SKI: variants seen among roughly 807,000 people sequenced by gnomAD.
SKI encodes ski oncogene.
SKI carries 23 observed loss-of-function variants against 59.3 expected under a neutral mutation model. The ratio of observed to expected loss-of-function variants is 0.39; its 90% confidence interval spans 0.28 to 0.55. SKI has a LOEUF of 0.55. Ranked by LOEUF, SKI falls within the 20% of genes least tolerant of loss-of-function variation. SKI has a pLI of 0.67. For missense variants in SKI, 1,017 were observed against 1,038.9 expected (o/e 0.98, Z 0.29); for synonymous variants, 673 against 488.6 (o/e 1.38, Z -4.98).
chr1:2,302,305 A>G (rs1028164414), intron 1 of SKI, among the ~76,000 whole-genome samples: 2 of 152,034 alleles, frequency 1.3e-5, no homozygotes, highest in Admixed American at 1.3e-4. Context: ...AGCGAGGCAA[A>G]GGTGTGTGTG....
chr1:2,246,434 G>A (rs764557106), intron 1 of SKI, among the ~76,000 whole-genome samples: 7 of 152,150 alleles, frequency 4.6e-5, no homozygotes, highest in Non-Finnish European at 1.0e-4. Context: ...TGTTCTACTT[G>A]TAAATTTCTG....
chr1:2,284,014 C>T (rs560080306), intron 1 of SKI, among the ~76,000 whole-genome samples: 13 of 152,258 alleles, frequency 8.5e-5, no homozygotes, highest in South Asian at 4.1e-4. Flanking sequence ...GTGCAGTGCC[C>T]GTGCCATCTT....
intron 1 of SKI, among the ~76,000 whole-genome samples, chr1:2,255,137 C>T (rs1027040206): frequency 6.6e-6 from 1 of 152,168 alleles, no homozygotes; most frequent in African/African-American, 2.4e-5. Flanking sequence ...TGAATGATGA[C>T]AGCCAGTGTC....
At chr1:2,234,451 A>G (rs146625807) in intron 1 of SKI, among the ~76,000 whole-genome samples, 56 of 152,162 alleles carry the variant, frequency 3.7e-4, no homozygotes, top group Admixed American at 8.5e-4. Flanking sequence ...TATTTGTGCA[A>G]TGTCTGTCTG....
intron 1 of SKI, among the ~76,000 whole-genome samples, chr1:2,299,520 C>T (rs1640372238): frequency 6.6e-6 from 1 of 152,124 alleles, no homozygotes; most frequent in African/African-American, 2.4e-5. Flanking sequence ...TCTGCGGCGT[C>T]TCCCTCGGCA....
chr1:2,275,427 C>T (rs1274469848), intron 1 of SKI, among the ~76,000 whole-genome samples: 3 of 152,304 alleles, frequency 2.0e-5, no homozygotes, highest in East Asian at 1.9e-4. Flanking sequence ...GTGGCCTGGC[C>T]GGTGTGGGCA....
At chr1:2,246,589 C>T (rs182841491) in intron 1 of SKI, among the ~76,000 whole-genome samples, 3 of 152,232 alleles carry the variant, frequency 2.0e-5, no homozygotes, top group Admixed American at 2.0e-4. Flanking sequence ...CTGTGAGCCT[C>T]GGTGTGCAGC....
At chr1:2,294,720 C>CT (rs1401232381) in intron 1 of SKI, among the ~76,000 whole-genome samples, 1 of 152,246 alleles carries the variant, frequency 6.6e-6, no homozygotes, top group Non-Finnish European at 1.5e-5. Context: ...GCCCTCCCCC[C>CT]GCTAGCTGCT....
At chr1:2,242,191 A>G (rs571594099) in intron 1 of SKI, among the ~76,000 whole-genome samples, 3 of 152,318 alleles carry the variant, frequency 2.0e-5, no homozygotes, top group African/African-American at 7.2e-5. Flanking sequence ...GCTAGTGGTG[A>G]ACCTCTGTAA....
intron 1 of SKI, among the ~76,000 whole-genome samples, chr1:2,301,971 T>C (rs1640436296): frequency 6.6e-6 from 1 of 152,260 alleles, no homozygotes; most frequent in African/African-American, 2.4e-5. Flanking sequence ...TTACGGAGAC[T>C]GCCCTGTGAT....
chr1:2,302,875 C>T (rs1453167015), intron 1 of SKI, 103 bp from the exon 2 acceptor site: 13 of 1,486,568 alleles, frequency 8.7e-6, no homozygotes, highest in African/African-American at 5.5e-5. Context: ...CGTTTGTGGC[C>T]GGAGTGCATG....
intron 1 of SKI, among the ~76,000 whole-genome samples, chr1:2,234,892 G>C (rs1240338174): frequency 6.6e-6 from 1 of 152,216 alleles, no homozygotes; most frequent in African/African-American, 2.4e-5. Flanking sequence ...CCCCTCCTGA[G>C]CAGTGGTCAC....
Position 2,287,897 on chromosome 1 carries a change from C to T in SKI, c.970-15081C>T, listed in dbSNP as rs545524166. Among the ~76,000 whole-genome samples, 145 of 152,326 alleles carry T rather than the reference C, an allele frequency of 9.5e-4. 1 individual carries two copies. Among genetic ancestry groups the T allele is most frequent in the South Asian group, 5.2e-3 (25 of 4,826 alleles). ...CGGCCCCACCCCGAGCCCTGAGCCCCGCCTTGAGCCCTGGGCGCTCCTGGC... is the reference window on the plus strand; with the variant it reads ...CGGCCCCACCCCGAGCCCTGAGCCCTGCCTTGAGCCCTGGGCGCTCCTGGC... On this transcript the variant is annotated intron_variant, in intron 1 of 6. Transcript: ENST00000378536.
intron 1 of SKI, among the ~76,000 whole-genome samples, chr1:2,301,261 C>T (rs570420978): frequency 1.8e-4 from 27 of 152,336 alleles, no homozygotes; most frequent in South Asian, 1.0e-3. Context: ...CTCCGCCAGA[C>T]GTCATCAACA....
intron 1 of SKI, among the ~76,000 whole-genome samples, chr1:2,232,962 C>T (rs961533292): frequency 5.3e-5 from 8 of 152,182 alleles, no homozygotes; most frequent in African/African-American, 1.7e-4. Flanking sequence ...CCTCCTTCCT[C>T]GGGTTCTCTG....
At chr1:2,254,282 A>G (rs1179168149) in intron 1 of SKI, among the ~76,000 whole-genome samples, 1 of 152,070 alleles carries the variant, frequency 6.6e-6, no homozygotes, top group Non-Finnish European at 1.5e-5. Flanking sequence ...ACTGGTCTCC[A>G]TGCGTGGTGC....
chr1:2,246,804 G>C (rs1639007473), intron 1 of SKI, among the ~76,000 whole-genome samples: 1 of 152,132 alleles, frequency 6.6e-6, no homozygotes, highest in South Asian at 2.1e-4. Context: ...TTCTGTGAAG[G>C]GGCACCTACC....
chr1:2,271,528 T>C (rs903908), intron 1 of SKI, among the ~76,000 whole-genome samples: 83,327 of 152,026 alleles, frequency 0.55, 23,322 homozygotes, highest in East Asian at 0.84. Flanking sequence ...TTCCGCGGAG[T>C]GCCCGGCTGC....
At position 2,304,098 on chromosome 1, in the gene SKI, G is replaced by C; in HGVS notation, c.1470G>C (p.Glu490Asp). 6.2e-7 allele frequency: 1 copy of C among 1,612,546 alleles called. No individual in the cohort carries two copies. Among genetic ancestry groups the C allele is most frequent in the Non-Finnish European group, 8.5e-7 (1 of 1,179,880 alleles). ...SEAEVEVESREEFTSSLSSLS... is the reference protein window; with the variant it reads ...SEAEVEVESRDEFTSSLSSLS... The stretch of plus-strand genomic sequence containing the variant: ...CGGAGGTGGAAGTTGAAAGCAGGGA[G>C]GAATGTACGTGTGAGTCGCTTTCTG... The change falls in exon 4 of 7, where the codon GAG (glutamate) becomes GAC (aspartate). Residue 490 changes from glutamate (E) to aspartate (D), a missense_variant. By Grantham distance (45) the Glu-to-Asp change is conservative. Coordinates refer to ENST00000378536, the MANE Select transcript of SKI (RefSeq NM_003036.4).
Sources: gnomAD v4.1 joint callset for allele counts (sites outside exome capture counted in the v4.1 genomes callset) on GRCh38, gnomAD v4.1.1 for gene constraint, MANE v1.5 for transcripts, NCBI Gene and HGNC (gene_info 2026-07-23, HGNC 2026-07-21) for gene names.